Variants in NRCAM observed in about 807,000 individuals in gnomAD.
The protein encoded by NRCAM is NgCAM-related cell adhesion molecule.
A neutral mutation model predicts 156.5 loss-of-function variants in NRCAM; 83 were observed. The ratio of observed to expected loss-of-function variants is 0.53; its 90% CI spans 0.44 to 0.64. The LOEUF is 0.64. Ranked by LOEUF, NRCAM falls within the 30% of genes least tolerant of loss-of-function variation. NRCAM has a pLI of 0.00. For synonymous variants in NRCAM, 538 were observed against 563.9 expected (o/e 0.95, Z 0.65); for missense variants, 1,417 against 1,597.3 (o/e 0.89, Z 1.92).
At chr7:108,380,888 G>C (rs2099697902) in intron 2 of NRCAM, among the ~76,000 whole-genome samples, 1 of 152,128 alleles carries the variant, frequency 6.6e-6, no homozygotes, top group Non-Finnish European at 1.5e-5. Flanking sequence ...CCTCTCTTTT[G>C]TATGTATGTA....
intron 2 of NRCAM, among the ~76,000 whole-genome samples, chr7:108,357,351 G>C (rs1166518218): frequency 1.4e-5 from 1 of 70,042 alleles, no homozygotes; most frequent in East Asian, 4.9e-4. Context: ...TTTTTTTTTT[G>C]AGACAAAGTC....
At chr7:108,374,796 G>A (rs2099664431) in intron 2 of NRCAM, among the ~76,000 whole-genome samples, 1 of 152,102 alleles carries the variant, frequency 6.6e-6, no homozygotes, top group African/African-American at 2.4e-5. Flanking sequence ...ATGGGTATGC[G>A]TAGGCTCATG....
chr7:108,339,073 A>G (rs2099244247), intron 2 of NRCAM, among the ~76,000 whole-genome samples: 1 of 152,264 alleles, frequency 6.6e-6, no homozygotes, highest in South Asian at 2.1e-4. Flanking sequence ...AAAATCTTAA[A>G]GTATGGGGTT....
At chr7:108,197,418 T>A (rs1180925820) in intron 14 of NRCAM, among the ~76,000 whole-genome samples, 1 of 152,192 alleles carries the variant, frequency 6.6e-6, no homozygotes, top group Non-Finnish European at 1.5e-5. Flanking sequence ...ACAAATGTGG[T>A]ATTTTGGTAG....
rs187506684 is a variant in NRCAM at position 108,194,449 on chromosome 7, C to A, written c.1464-21G>T. On this transcript the variant is annotated intron_variant, in intron 15 of 32. Coordinates refer to ENST00000379028, the MANE Select transcript of NRCAM (RefSeq NM_001037132.4). ...TAAACCTTCATTACAGAAATTATCA[C>A]AATGAGAATAAAAACACATTATATT... The A allele has an allele frequency of 2.2e-4, 329 of 1,529,948 alleles. 1 individual carries two copies. The East Asian group carries it at 5.5e-3, about 26-fold the overall frequency. 94.8% of individuals were successfully genotyped at this position (1,529,948 alleles called of 1,614,324 possible). A position where few individuals can be genotyped will look rare whatever the true frequency, so the allele number is the denominator to read the frequency against.
At chr7:108,400,587 G>T (rs1563637591) in intron 1 of NRCAM, among the ~76,000 whole-genome samples, 1 of 152,150 alleles carries the variant, frequency 6.6e-6, no homozygotes, top group Non-Finnish European at 1.5e-5. Flanking sequence ...ATTCTTTGAT[G>T]ACCCCTCTAG....
At chr7:108,262,149 T>C (rs2096910692) in intron 3 of NRCAM, among the ~76,000 whole-genome samples, 1 of 152,058 alleles carries the variant, frequency 6.6e-6, no homozygotes, top group African/African-American at 2.4e-5. Context: ...ATAAGTAGTC[T>C]CTGGCTCAGC....
chr7:108,392,506 G>A (rs902761795), intron 2 of NRCAM, among the ~76,000 whole-genome samples: 3 of 152,118 alleles, frequency 2.0e-5, no homozygotes, highest in African/African-American at 7.2e-5. Flanking sequence ...GCTTCTTTGC[G>A]ATGGGTTTGA....
intron 13 of NRCAM, among the ~76,000 whole-genome samples, chr7:108,201,506 T>C (rs1250274530): frequency 1.3e-5 from 2 of 152,222 alleles, no homozygotes; most frequent in Non-Finnish European, 2.9e-5. Flanking sequence ...TGTTGCACAA[T>C]GTGAAAATGC....
intron 2 of NRCAM, among the ~76,000 whole-genome samples, chr7:108,383,139 C>CAT (rs1214846152): frequency 4.8e-5 from 2 of 41,654 alleles, no homozygotes; most frequent in East Asian, 5.7e-3. Context: ...CACACGCTCT[C>CAT]ACACACACAC....
At chr7:108,198,202 C>T in intron 13 of NRCAM, 103 bp from the exon 14 acceptor site, 2 of 805,446 alleles carry the variant, frequency 2.5e-6, no homozygotes, top group Non-Finnish European at 3.7e-6. Context: ...GCTCTAAGTA[C>T]ATGCAGTAAG....
In NRCAM at chr7:108,194,447, C is replaced by A; in HGVS notation, c.1464-19G>T. The A allele has an allele frequency of 1.3e-6, 2 of 1,535,746 alleles. No individual in the cohort carries two copies. The highest frequency in any genetic ancestry group is 1.2e-5 in the South Asian group (1 of 83,012). ...TTTAAACCTTCATTACAGAAATTAT[C>A]ACAATGAGAATAAAAACACATTATA... On this transcript the variant is annotated intron_variant, in intron 15 of 32. Coordinates refer to ENST00000379028, the MANE Select transcript of NRCAM (RefSeq NM_001037132.4).
chr7:108,263,629 C>T (rs1416299012), intron 3 of NRCAM, among the ~76,000 whole-genome samples: 2 of 152,216 alleles, frequency 1.3e-5, no homozygotes, highest in Non-Finnish European at 2.9e-5. Context: ...CTTACCCCTA[C>T]CATGAGTGCA....
intron 3 of NRCAM, among the ~76,000 whole-genome samples, chr7:108,258,832 C>CT (rs925625832): frequency 3.9e-5 from 6 of 152,222 alleles, no homozygotes; most frequent in Admixed American, 6.5e-5. Context: ...ACCCAGTCTG[C>CT]TTTCTCCACT....
At chr7:108,264,596 A>T (rs2154012763) in intron 3 of NRCAM, among the ~76,000 whole-genome samples, 1 of 152,340 alleles carries the variant, frequency 6.6e-6, no homozygotes, top group East Asian at 1.9e-4. Context: ...ATTTATCTTA[A>T]CTGGCATCAA....
At chr7:108,358,339 AG>A (rs1028185517) in intron 2 of NRCAM, among the ~76,000 whole-genome samples, 8 of 151,734 alleles carry the variant, frequency 5.3e-5, no homozygotes, top group African/African-American at 1.9e-4. Flanking sequence ...AGGGAGGTCG[AG>A]GCTGCAGTGA....
chr7:108,180,632 G>A (rs1008445665), intron 24 of NRCAM, among the ~76,000 whole-genome samples: 4 of 152,198 alleles, frequency 2.6e-5, no homozygotes, highest in Non-Finnish European at 5.9e-5. Context: ...ACAGCCACAT[G>A]ACAAAGCTGG....
intron 1 of NRCAM, among the ~76,000 whole-genome samples, chr7:108,421,157 A>G (rs1034824): frequency 0.99 from 150,865 of 152,304 alleles, 74,730 homozygotes; most frequent in East Asian, 1. Context: ...AAAAAAGACT[A>G]TAAGTGTAGA....
intron 3 of NRCAM, among the ~76,000 whole-genome samples, chr7:108,258,823 C>T (rs1041363348): frequency 6.6e-6 from 1 of 152,184 alleles, no homozygotes; most frequent in African/African-American, 2.4e-5. Flanking sequence ...GTTCTCTCGA[C>T]CCAGTCTGCT....
Sources: allele counts gnomAD v4.1 joint callset (sites outside exome capture counted in the v4.1 genomes callset), GRCh38; gene constraint gnomAD v4.1.1; transcripts MANE v1.5; gene names NCBI Gene and HGNC (gene_info 2026-07-23, HGNC 2026-07-21).